RIOX2: variants seen among roughly 807,000 people sequenced by gnomAD.
RIOX2 encodes the protein 60S ribosomal protein L27a histidine hydroxylase.
A neutral mutation model predicts 51.2 loss-of-function variants in RIOX2; 43 were observed. The ratio of observed to expected loss-of-function variants is 0.84; its 90% CI spans 0.66 to 1.08. The LOEUF (loss-of-function observed/expected upper bound fraction) is 1.08. Ranked by LOEUF, RIOX2 falls within the 50% of genes least tolerant of loss-of-function variation. The pLI, the probability that RIOX2 is intolerant of heterozygous loss-of-function variation, is 0.00. For synonymous variants in RIOX2, 226 were observed against 218.5 expected, an observed-to-expected ratio of 1.03 and a Z score of -0.30; for missense variants, 566 against 561.7, an observed-to-expected ratio of 1.01 and a Z score of -0.08.
chr3:97,952,885 A>G (rs566847319), intron 5 of RIOX2, among the ~76,000 whole-genome samples: 6 of 152,240 alleles, frequency 3.9e-5, no homozygotes, highest in African/African-American at 1.4e-4. Flanking sequence ...CCTAATACAA[A>G]CTTGGGCCTT....
At chr3:97,959,284 A>C in intron 3 of RIOX2, 105 bp from the exon 4 acceptor site, 4 of 690,596 alleles carry the variant, frequency 5.8e-6, no homozygotes, top group Non-Finnish European at 6.5e-6. Flanking sequence ...ACAAATATAT[A>C]GGTGAACCTT....
At position 97,944,402 on chromosome 3, in the gene RIOX2, T is replaced by C. The variant is rs991952664; in HGVS notation, c.*782A>G. On this transcript the variant is annotated 3_prime_UTR_variant, in exon 10 of 10. Transcript: ENST00000394198. ...CTGAAAATTACATTTTGACAACTTT[T>C]TTTCCTTTTATCCCCAACTTTTGCC... The C allele has an allele frequency of 1.3e-5, 2 of 152,330 alleles. No individual in the cohort carries two copies. Among genetic ancestry groups the C allele is most frequent in the East Asian group, 3.9e-4 (2 of 5,178 alleles). The allele number at this position is 152,330 out of a possible 1,614,324, so 9.4% of individuals were successfully genotyped here.
intron 1 of RIOX2, among the ~76,000 whole-genome samples, chr3:97,969,298 G>C (rs1706028737): frequency 1.3e-5 from 2 of 152,170 alleles, no homozygotes; most frequent in Admixed American, 6.5e-5. Context: ...TCCTTTAAGT[G>C]AAACAGACCA....
intron 5 of RIOX2, chr3:97,952,395 A>G (rs1039367108): frequency 1.2e-5 from 5 of 429,016 alleles, no homozygotes; most frequent in Non-Finnish European, 1.7e-5. Context: ...ACCCAGGGGC[A>G]GCCGGCCAGT....
intron 1 of RIOX2, chr3:97,971,957 C>G (rs570511143): frequency 6.6e-6 from 1 of 152,288 alleles, no homozygotes; most frequent in African/African-American, 2.4e-5. Flanking sequence ...CTCTTAGGCC[C>G]GACATGACGC....
intron 8 of RIOX2, 82 bp downstream of exon 8, chr3:97,947,279 C>T: frequency 9.7e-7 from 1 of 1,032,916 alleles, no homozygotes; most frequent in Non-Finnish European, 1.5e-6. Flanking sequence ...AGGGCAGAGA[C>T]CAGTGGTTAA....
chr3:97,965,038 G>T (rs1481680320), intron 2 of RIOX2, among the ~76,000 whole-genome samples: 1 of 151,836 alleles, frequency 6.6e-6, no homozygotes, highest in Admixed American at 6.6e-5. Flanking sequence ...ACCTGGCCAG[G>T]GATAAACTCC....
At chr3:97,952,300 T>C (rs1705283381) in intron 5 of RIOX2, 1 of 1,151,324 alleles carries the variant, frequency 8.7e-7, no homozygotes, top group Non-Finnish European at 1.2e-6. Flanking sequence ...TTGATCATGG[T>C]ACCCACCCAC....
chr3:97,960,960 T>A (rs1705652341), intron 3 of RIOX2, among the ~76,000 whole-genome samples: 1 of 152,220 alleles, frequency 6.6e-6, no homozygotes, highest in Non-Finnish European at 1.5e-5. Flanking sequence ...TGTATTGATG[T>A]CAAATTGCTA....
intron 1 of RIOX2, among the ~76,000 whole-genome samples, chr3:97,968,234 T>C (rs140347333): frequency 2.0e-5 from 3 of 152,226 alleles, no homozygotes; most frequent in African/African-American, 7.2e-5. Flanking sequence ...CTGAACCTGC[T>C]CACTTCCAAC....
chr3:97,959,309 T>G, intron 3 of RIOX2, 130 bp from the exon 4 acceptor site: 1 of 647,654 alleles, frequency 1.5e-6, no homozygotes, highest in South Asian at 3.9e-5. Flanking sequence ...AACACAGGTT[T>G]TTTTTTTTTT....
At chr3:97,948,488 A>C (rs371666421) in intron 7 of RIOX2, among the ~76,000 whole-genome samples, 3 of 152,068 alleles carry the variant, frequency 2.0e-5, no homozygotes, top group South Asian at 4.2e-4. Flanking sequence ...TCAAAACAAA[A>C]CACCACCACT....
At chr3:97,946,727 TAGAG>T (rs919653489) in intron 8 of RIOX2, among the ~76,000 whole-genome samples, 1 of 151,550 alleles carries the variant, frequency 6.6e-6, no homozygotes, top group African/African-American at 2.4e-5. Context: ...GATAGCTCCT[TAGAG>T]AGCTGATTAG....
intron 8 of RIOX2, among the ~76,000 whole-genome samples, chr3:97,946,517 AACTG>A (rs1198877459): frequency 6.0e-5 from 9 of 150,102 alleles, no homozygotes; most frequent in Admixed American, 1.3e-4. Flanking sequence ...CAATGTCTCA[AACTG>A]ACTGGTTATC....
intron 2 of RIOX2, among the ~76,000 whole-genome samples, chr3:97,964,165 C>A (rs1357064596): frequency 6.6e-6 from 1 of 152,164 alleles, no homozygotes; most frequent in Non-Finnish European, 1.5e-5. Flanking sequence ...GTGACCTCCT[C>A]TCTCCACTGA....
chr3:97,944,434 C>T lies in RIOX2; in HGVS notation c.*750G>A, dbSNP rs565431995. ...TTTATCCCCAACTTTTGCCAGAAAG[C>T]AGAAAAATGCTCTATTTTTATAAAG... On this transcript the variant is annotated 3_prime_UTR_variant, in exon 10 of 10. Coordinates refer to ENST00000394198, the MANE Select transcript of RIOX2 (RefSeq NM_153182.4). 5.3e-5 allele frequency: 8 copies of T among 152,324 alleles called. No homozygotes were observed. The highest frequency in any genetic ancestry group is 1.7e-4 in the African/African-American group (7 of 41,488). The allele number at this position is 152,324 out of a possible 1,614,324, so 9.4% of individuals were successfully genotyped here.
chr3:97,954,527 T>C, intron 4 of RIOX2, 32 bp from the exon 5 acceptor site: 1 of 1,532,630 alleles, frequency 6.5e-7, no homozygotes, highest in South Asian at 1.1e-5. Context: ...GGTAGAGAAG[T>C]TAATAAGTAT....
At chr3:97,956,015 T>C (rs537106476) in intron 4 of RIOX2, among the ~76,000 whole-genome samples, 1 of 152,292 alleles carries the variant, frequency 6.6e-6, no homozygotes, top group Non-Finnish European at 1.5e-5. Context: ...AGCCCGTCAG[T>C]GATGGTAAGT....
chr3:97,945,457 AT>A, intron 9 of RIOX2, 115 bp from the exon 10 acceptor site: 1 of 886,974 alleles, frequency 1.1e-6, no homozygotes, highest in Non-Finnish European at 1.7e-6. Flanking sequence ...CCTCATGAGT[AT>A]TTTAGACACA....
Sources: gnomAD v4.1 joint callset for allele counts (sites outside exome capture counted in the v4.1 genomes callset) on GRCh38, gnomAD v4.1.1 for gene constraint, MANE v1.5 for transcripts, NCBI Gene and HGNC (gene_info 2026-07-23, HGNC 2026-07-21) for gene names.